MDK: variants seen among roughly 807,000 people sequenced by gnomAD.
MDK encodes midkine.
MDK carries 17 observed loss-of-function variants against 18.9 expected under a neutral mutation model. The ratio of observed to expected loss-of-function variants is 0.90; its 90% CI spans 0.62 to 1.35. MDK has a LOEUF of 1.35. Among genes scored for constraint, MDK ranks in the 40% most tolerant of loss-of-function variants. MDK has a pLI of 0.00. For synonymous variants in MDK, 86 were observed against 74.3 expected (o/e 1.16, Z -0.81); for missense variants, 180 against 186.3 (o/e 0.97, Z 0.20).
intron 2 of MDK, 68 bp downstream of exon 2, chr11:46,382,201 C>G: frequency 1.2e-6 from 2 of 1,605,144 alleles, no homozygotes; most frequent in South Asian, 2.2e-5. Flanking sequence ...TGGGCTGGGC[C>G]GCCTGGGTTC....
At chr11:46,383,315 T>G (rs1565102166) in intron 4 of MDK, 154 bp from the exon 5 acceptor site, 2 of 600,796 alleles carry the variant, frequency 3.3e-6, no homozygotes, top group Non-Finnish European at 6.0e-6. Flanking sequence ...TCACAATGGC[T>G]GCCCCATCCC....
intron 1 of MDK, 54 bp from the exon 2 acceptor site, chr11:46,382,003 C>T (rs1365130705): frequency 5.9e-6 from 9 of 1,518,960 alleles, no homozygotes; most frequent in Non-Finnish European, 8.0e-6. Context: ...CTGCACGCGG[C>T]CCCCGGTGGG....
intron 4 of MDK, chr11:46,383,163 C>A (rs1945273674): frequency 1.7e-5 from 7 of 418,150 alleles, no homozygotes; most frequent in Non-Finnish European, 3.0e-5. Context: ...GCGAGGCCAG[C>A]AGGGCAGGGG....
chr11:46,383,139 C>T (rs1001752631), intron 4 of MDK: 9 of 411,980 alleles, frequency 2.2e-5, no homozygotes, highest in African/African-American at 4.0e-5. Flanking sequence ...TCAGCTCACT[C>T]GTGACTCAGC....
At chr11:46,381,890 G>A (rs893158479) in intron 1 of MDK, 132 bp downstream of exon 1, 4 of 676,322 alleles carry the variant, frequency 5.9e-6, no homozygotes, top group South Asian at 1.9e-5. Flanking sequence ...TTAGCGGTGC[G>A]TCCGGGCTAG....
chr11:46,382,586 G>T lies in MDK; in HGVS notation c.245-1G>T. The T allele has an allele frequency of 6.2e-7, 1 of 1,607,978 alleles. No individual in the cohort carries two copies. The highest frequency in any genetic ancestry group is 8.5e-7 in the Non-Finnish European group (1 of 1,177,210). On this transcript the variant is annotated splice_acceptor_variant, in intron 3 of 4. Transcript: ENST00000395566. LOFTEE classifies it high-confidence loss of function. ...GCTGACCTGGGCCGCTCTCTCGCCA[G>T]CCGACTGCAAGTACAAGTTTGAGAA...
chr11:46,383,813 C>CT (rs1565102935), downstream of MDK: 1 of 431,748 alleles, frequency 2.3e-6, no homozygotes, highest in Non-Finnish European at 4.4e-6. Context: ...AAAAGCTCTT[C>CT]TTTTTTAATA....
intron 4 of MDK, 53 bp downstream of exon 4, chr11:46,382,801 C>CA: frequency 6.6e-7 from 1 of 1,524,014 alleles, no homozygotes; most frequent in Non-Finnish European, 8.9e-7. Flanking sequence ...CCCCCCCCCC[C>CA]CCCCGCCTGT....
At chr11:46,383,807 G>A (rs1945298051), downstream of MDK, 1 of 445,192 alleles carries the variant, frequency 2.2e-6, no homozygotes, top group South Asian at 2.1e-5. Flanking sequence ...CCCAATAAAA[G>A]CTCTTCTTTT....
intron 1 of MDK, 118 bp from the exon 2 acceptor site, chr11:46,381,939 C>T: frequency 1.8e-6 from 2 of 1,128,406 alleles, no homozygotes; most frequent in Non-Finnish European, 2.5e-6. Flanking sequence ...CCGCCGCCAC[C>T]TTAGCAGCCC....
Position 46,382,311 on chromosome 11 carries a change from G to T in MDK, c.94G>T (p.Gly32Cys). ...AKKKDKVKKG[G>C]PGSECAEWAW... ...CGTTGTAGATAAGGTGAAGAAGGGC[G>T]GCCCGGGGAGCGAGTGCGCTGAGTG... Residue 32 changes from glycine (G) to cysteine (C), a missense_variant, in exon 3 of 5, where the codon GGC (glycine) becomes TGC (cysteine). Physicochemically the swap from Gly to Cys is radical, Grantham distance 159. Coordinates refer to ENST00000395566, the MANE Select transcript of MDK (RefSeq NM_002391.6). 2.5e-6 allele frequency: 4 copies of T among 1,608,360 alleles called. No individual in the cohort carries two copies. The highest frequency in any genetic ancestry group is 3.4e-6 in the Non-Finnish European group (4 of 1,178,254).
At chr11:46,382,929 C>A (rs938704115) in intron 4 of MDK, 181 bp downstream of exon 4, 1 of 693,080 alleles carries the variant, frequency 1.4e-6, no homozygotes, top group Non-Finnish European at 2.5e-6. Context: ...CAAGAGAGGC[C>A]GCAGGTGATG....
At chr11:46,381,947 C>A in intron 1 of MDK, 110 bp from the exon 2 acceptor site, 2 of 1,203,238 alleles carry the variant, frequency 1.7e-6, no homozygotes, top group Non-Finnish European at 2.3e-6. Flanking sequence ...ACCTTAGCAG[C>A]CCGACTTGGG....
Position 46,383,673 on chromosome 11 carries a change from G to A in MDK, c.*179G>A. 2.8e-6 allele frequency: 2 copies of A among 702,714 alleles called. No homozygotes were observed. Among genetic ancestry groups the A allele is most frequent in the Non-Finnish European group, 5.2e-6 (2 of 386,376 alleles). The allele number at this position is 702,714 out of a possible 1,614,324, so 43.5% of individuals were successfully genotyped here. On this transcript the variant is annotated 3_prime_UTR_variant, in exon 5 of 5. Coordinates refer to ENST00000395566, the MANE Select transcript of MDK (RefSeq NM_002391.6). ...CCCCACCCCTAAGTGCCCAAAGTGG[G>A]GAGGGACAAGGGATTCTGGGAAGCT... is the stretch of plus-strand genomic sequence containing the variant.
At chr11:46,382,790 G>GGGGGGGGGGGGGGGGGCC in intron 4 of MDK, 42 bp downstream of exon 4, 5 of 987,048 alleles carry the variant, frequency 5.1e-6, no homozygotes, top group East Asian at 3.8e-5. Context: ...GCGGGGGGCT[G>GGGGGGGGGGGGGGGGGCC]CCCCCCCCCC....
intron 4 of MDK, 33 bp downstream of exon 4, chr11:46,382,781 C>CGGGGGGGGG (rs1342765590): frequency 4.3e-6 from 2 of 470,106 alleles, no homozygotes; most frequent in East Asian, 9.7e-5. Flanking sequence ...GGGGCTGTCG[C>CGGGGGGGGG]GGGGGGCTGC....
chr11:46,382,350 T>A lies in MDK; in HGVS notation c.133T>A (p.Cys45Ser). ...SECAEWAWGP[C>S]TPSSKDCGVG... ...GTGCGCTGAGTGGGCCTGGGGGCCC[T>A]GCACCCCCAGCAGCAAGGATTGCGG... Residue 45 changes from cysteine to serine, a missense_variant, in exon 3 of 5, where the codon TGC becomes AGC. Transcript: ENST00000395566. 6.2e-7 allele frequency: 1 copy of A among 1,601,044 alleles called. No individual in the cohort carries two copies.
At chr11:46,381,944 C>T in intron 1 of MDK, 113 bp from the exon 2 acceptor site, 2 of 1,160,122 alleles carry the variant, frequency 1.7e-6, no homozygotes, top group Non-Finnish European at 2.4e-6. Flanking sequence ...GCCACCTTAG[C>T]AGCCCGACTT....
At chr11:46,382,252 C>T (rs1945222456) in intron 2 of MDK, 42 bp from the exon 3 acceptor site, 1 of 1,603,632 alleles carries the variant, frequency 6.2e-7, no homozygotes, top group African/African-American at 1.3e-5. Flanking sequence ...GAGGGAGTCT[C>T]CCCGTGCCCC....
Sources: gnomAD v4.1 joint callset for allele counts on GRCh38, gnomAD v4.1.1 for gene constraint, MANE v1.5 for transcripts, NCBI Gene and HGNC (gene_info 2026-07-23, HGNC 2026-07-21) for gene names.